Variants in SNAP47 observed in about 807,000 individuals in gnomAD.
SNAP47 encodes the protein synaptosome associated protein 47.
A neutral mutation model predicts 31.4 loss-of-function variants in SNAP47; 20 were observed. The observed-to-expected ratio is 0.64, with a 90% CI of 0.45 to 0.93. SNAP47 has a LOEUF of 0.93. SNAP47 is among the 40% of genes least tolerant of loss of function. SNAP47 has a pLI of 0.00. For synonymous variants in SNAP47, 194 were observed against 213.4 expected, an observed-to-expected ratio of 0.91 and a Z score of 0.79; for missense variants, 492 against 528.5, an observed-to-expected ratio of 0.93 and a Z score of 0.68.
upstream of SNAP47, chr1:227,735,052 G>T: frequency 1.3e-6 from 2 of 1,556,022 alleles, no homozygotes; most frequent in South Asian, 2.3e-5. Flanking sequence ...GCCTCCCCGC[G>T]GGCGTCACCC....
At chr1:227,735,988 G>A (rs529323669) in intron 1 of SNAP47, among the ~76,000 whole-genome samples, 9 of 151,940 alleles carry the variant, frequency 5.9e-5, no homozygotes, top group South Asian at 2.1e-4. Flanking sequence ...GTGGCACTTG[G>A]AGGAGATGGG....
Position 227,780,735 on chromosome 1 carries a change from C to T in SNAP47, c.*62C>T, listed in dbSNP as rs1008095147. On this transcript the variant is annotated 3_prime_UTR_variant, in exon 5 of 5. Coordinates refer to ENST00000617596, the MANE Select transcript of SNAP47 (RefSeq NM_053052.4). ...CATCCCGCTGAGATGGAGGGCTGGG[C>T]GGCAGTGCCAGGGCTGCAGAGGCCT... 2.7e-5 allele frequency: 44 copies of T among 1,601,628 alleles called. No individual in the cohort carries two copies. The highest frequency in any genetic ancestry group is 6.7e-5 in the African/African-American group (5 of 74,804).
At chr1:227,735,413 C>G (rs764504152), upstream of SNAP47, 4 of 1,551,354 alleles carry the variant, frequency 2.6e-6, no homozygotes, top group Non-Finnish European at 3.5e-6. Context: ...TGCACGCATG[C>G]GCGCGGCTCG....
At chr1:227,735,386 G>A, upstream of SNAP47, 4 of 1,584,022 alleles carry the variant, frequency 2.5e-6, no homozygotes, top group South Asian at 2.2e-5. Context: ...CCCCGCCAGC[G>A]CCTGGGGCTC....
chr1:227,777,186 T>C (rs944399724), intron 4 of SNAP47: 2 of 699,852 alleles, frequency 2.9e-6, no homozygotes, highest in Admixed American at 6.3e-5. Context: ...TTGAGAATAA[T>C]TGTACATACT....
intron 3 of SNAP47, among the ~76,000 whole-genome samples, chr1:227,760,097 G>A (rs993571933): frequency 7.2e-5 from 11 of 152,170 alleles, no homozygotes; most frequent in Admixed American, 1.3e-4. Flanking sequence ...TCTGTTCTTC[G>A]TAAATTACCC....
At chr1:227,767,446 A>G (rs896374602) in intron 4 of SNAP47, among the ~76,000 whole-genome samples, 24 of 152,202 alleles carry the variant, frequency 1.6e-4, no homozygotes, top group African/African-American at 5.1e-4. Context: ...TGTACTGTAC[A>G]CATTGTGCAT....
intron 4 of SNAP47, among the ~76,000 whole-genome samples, chr1:227,769,523 C>A (rs1261487201): frequency 6.6e-6 from 1 of 152,094 alleles, no homozygotes; most frequent in African/African-American, 2.4e-5. Flanking sequence ...CGAAACCCCC[C>A]TTCATCCAGC....
intron 3 of SNAP47, 132 bp from the exon 4 acceptor site, chr1:227,766,827 G>A (rs77046513): frequency 0.012 from 15,963 of 1,324,912 alleles, 245 homozygotes; most frequent in East Asian, 0.07. Context: ...CACAGAGGTC[G>A]AGAGAGGAAG....
rs1662927019 is a variant in SNAP47, at chr1:227,759,457, A to G, written c.960A>G (p.Ala320=). The change falls in exon 3 of 5, where the codon GCA becomes GCG. Residue 320 remains alanine, a synonymous_variant. Transcript: ENST00000617596. The part of the protein sequence containing the change: ...VLRSARTSSP[A]EKSCSVWHAA... Reference sequence around the variant, plus strand: ...GAAGCGCAAGAACCTCTTCCCCCGCAGAGAAGAGCTGCTCAGTCTGGCATG... The same window carrying G: ...GAAGCGCAAGAACCTCTTCCCCCGCGGAGAAGAGCTGCTCAGTCTGGCATG... 6.2e-7 allele frequency: 1 copy of G among 1,614,158 alleles called. No homozygotes were observed.
At chr1:227,736,649 G>A (rs1479970926) in intron 1 of SNAP47, among the ~76,000 whole-genome samples, 11 of 149,382 alleles carry the variant, frequency 7.4e-5, no homozygotes, top group Non-Finnish European at 1.6e-4. Flanking sequence ...ACAGGCATGA[G>A]CCACTATGCC....
intron 1 of SNAP47, among the ~76,000 whole-genome samples, chr1:227,739,248 C>G (rs918577837): frequency 3.9e-5 from 6 of 152,204 alleles, no homozygotes; most frequent in African/African-American, 1.4e-4. Context: ...GCAACCTCTG[C>G]CTTCTGGGCT....
chr1:227,780,105 C>G (rs907193838), intron 4 of SNAP47, among the ~76,000 whole-genome samples: 1 of 152,208 alleles, frequency 6.6e-6, no homozygotes, highest in Admixed American at 6.5e-5. Flanking sequence ...AGGTCTCACC[C>G]AGCATAGTGG....
At chr1:227,751,838 A>G (rs1662391194) in intron 2 of SNAP47, among the ~76,000 whole-genome samples, 1 of 131,348 alleles carries the variant, frequency 7.6e-6, no homozygotes, top group African/African-American at 2.9e-5. Flanking sequence ...ATCTCTGCTC[A>G]CTGCAAACTC....
At chr1:227,733,843 G>C (rs1660851277), upstream of SNAP47, 1 of 1,603,114 alleles carries the variant, frequency 6.2e-7, no homozygotes, top group Non-Finnish European at 8.5e-7. Flanking sequence ...CTGCCACCCT[G>C]GGCCTCCCAG....
chr1:227,734,934 C>A (rs548818194), upstream of SNAP47: 1 of 1,515,324 alleles, frequency 6.6e-7, no homozygotes, highest in Non-Finnish European at 8.9e-7. Context: ...CCTGGTGCCC[C>A]TCTCTAGGCG....
chr1:227,778,156 G>T (rs1664267119), intron 4 of SNAP47, among the ~76,000 whole-genome samples: 1 of 152,228 alleles, frequency 6.6e-6, no homozygotes, highest in African/African-American at 2.4e-5. Flanking sequence ...CACTGATGGT[G>T]CCAGCCTAAC....
At position 227,741,294 on chromosome 1, in the gene SNAP47, C is replaced by T. The variant is rs1661580199; in HGVS notation, c.-46+5795C>T. ...CAAGGAGGAGAGGTTGTGCCCTGTG[C>T]AGTCAGGTGCATGAGGAGGCTATGG... is the stretch of plus-strand genomic sequence containing the variant. On this transcript the variant is annotated intron_variant, in intron 1 of 4. Transcript: ENST00000617596. The surrounding 1 kb of genome is among the most constrained non-coding windows in gnomAD (Gnocchi z 4.2). Among the ~76,000 whole-genome samples, 1 of 152,056 alleles carries T rather than the reference C, an allele frequency of 6.6e-6. No homozygotes were observed. Among genetic ancestry groups the T allele is most frequent in the African/African-American group, 2.4e-5 (1 of 41,402 alleles).
chr1:227,755,299 G>A (rs550205968), intron 2 of SNAP47, among the ~76,000 whole-genome samples: 1 of 152,292 alleles, frequency 6.6e-6, no homozygotes, highest in African/African-American at 2.4e-5. Flanking sequence ...CAACTCCTGG[G>A]CTTAAGTGAT....
Sources: gnomAD v4.1 joint callset for allele counts (sites outside exome capture counted in the v4.1 genomes callset) on GRCh38, gnomAD v4.1.1 for gene constraint, Gnocchi (gnomAD v3.1) non-coding constraint, MANE v1.5 for transcripts, NCBI Gene and HGNC (gene_info 2026-07-23, HGNC 2026-07-21) for gene names.